Variants in HUNK observed in about 807,000 individuals in gnomAD.
HUNK encodes hormonally up-regulated Neu-associated kinase, also known as hormonally up-regulated neu tumor-associated kinase.
A neutral mutation model predicts 61.0 loss-of-function variants in HUNK; 21 were observed. That is an observed-to-expected ratio of 0.34 (90% CI 0.24 to 0.50). The LOEUF (loss-of-function observed/expected upper bound fraction) is 0.50, where lower values mean the gene tolerates loss of function less well. Ranked by LOEUF, HUNK falls within the 20% of genes least tolerant of loss-of-function variation. The probability of loss-of-function intolerance (pLI) is 0.98; values close to 1 mark genes in which losing one functional copy is unlikely to be tolerated. For missense variants in HUNK, 772 were observed against 945.7 expected (o/e 0.82, Z 2.41); for synonymous variants, 371 against 386.1 (o/e 0.96, Z 0.46).
chr21:31,906,375 A>G (rs377041514), intron 1 of HUNK, among the ~76,000 whole-genome samples: 1 of 152,300 alleles, frequency 6.6e-6, no homozygotes, highest in East Asian at 1.9e-4. Flanking sequence ...CACTTTGCAG[A>G]TGAGAAAACA....
At chr21:31,877,026 C>T (rs1398123657) in intron 1 of HUNK, among the ~76,000 whole-genome samples, 1 of 152,098 alleles carries the variant, frequency 6.6e-6, no homozygotes, top group Non-Finnish European at 1.5e-5. Context: ...ACTCCCAGCC[C>T]ACGTGGAGCG....
At chr21:31,947,870 C>T (rs147840090) in intron 4 of HUNK, among the ~76,000 whole-genome samples, 218 of 152,252 alleles carry the variant, frequency 1.4e-3, no homozygotes, top group African/African-American at 5.0e-3. Context: ...GACTCGTTTG[C>T]GTGAAGGGTG....
chr21:31,892,528 C>T (rs2052397909), intron 1 of HUNK, among the ~76,000 whole-genome samples: 1 of 146,826 alleles, frequency 6.8e-6, no homozygotes, highest in Non-Finnish European at 1.5e-5. Flanking sequence ...CGAGATTGCG[C>T]CACTGCTCTT....
In HUNK at chr21:31,912,441, A is replaced by G. The variant is rs140017201; in HGVS notation, c.262-12027A>G. Among the ~76,000 whole-genome samples the G allele has an allele frequency of 3.6e-3, 541 of 152,278 alleles. 7 individuals are homozygous for G. The highest frequency in any genetic ancestry group is 0.013 in the African/African-American group (523 of 41,574). ...AACCTATTGTAGCCTAGTGAGTTAC[A>G]GGGGAAAATAGGGTTAGGAGATTGT... On this transcript the variant is annotated intron_variant, in intron 1 of 10. Transcript: ENST00000270112.
At chr21:31,923,147 AAAG>A (rs2052634035) in intron 1 of HUNK, among the ~76,000 whole-genome samples, 1 of 152,122 alleles carries the variant, frequency 6.6e-6, no homozygotes, top group African/African-American at 2.4e-5. Context: ...AGTGAAGAAA[AAAG>A]AAGGAACAGG....
intron 5 of HUNK, among the ~76,000 whole-genome samples, chr21:31,963,594 C>T (rs1315691340): frequency 1.3e-5 from 2 of 152,170 alleles, no homozygotes; most frequent in Non-Finnish European, 2.9e-5. Flanking sequence ...GCCTCCGAAA[C>T]CAAGCAGTCT....
intron 7 of HUNK, among the ~76,000 whole-genome samples, chr21:31,975,904 A>G (rs748569765): frequency 2.6e-5 from 4 of 152,348 alleles, no homozygotes; most frequent in Admixed American, 6.5e-5. Flanking sequence ...ATTGCTGAAC[A>G]GATGAAGATG....
At chr21:31,955,425 CG>C (rs1250975661) in intron 4 of HUNK, among the ~76,000 whole-genome samples, 8 of 123,668 alleles carry the variant, frequency 6.5e-5, no homozygotes, top group African/African-American at 2.1e-4. Flanking sequence ...CCCGTCTCTA[CG>C]AAAAAAAAAA....
intron 4 of HUNK, among the ~76,000 whole-genome samples, 168 bp from the exon 5 acceptor site, chr21:31,958,675 C>T (rs2052906298): frequency 6.6e-6 from 1 of 152,164 alleles, no homozygotes; most frequent in South Asian, 2.1e-4. Context: ...CGACCTCACC[C>T]AACTCTTTCA....
intron 6 of HUNK, among the ~76,000 whole-genome samples, chr21:31,971,665 C>T (rs2123851325): frequency 6.6e-6 from 1 of 152,216 alleles, no homozygotes; most frequent in South Asian, 2.1e-4. Context: ...TTACATCACT[C>T]TTCTATAAAG....
At chr21:31,914,191 T>G (rs1414628251) in intron 1 of HUNK, among the ~76,000 whole-genome samples, 4 of 152,012 alleles carry the variant, frequency 2.6e-5, no homozygotes, top group Non-Finnish European at 5.9e-5. Context: ...GCGGATCACC[T>G]GTGGTCAGGA....
Position 32,000,154 on chromosome 21 carries a change from G to T in HUNK, c.*970G>T, listed in dbSNP as rs1019373295. On this transcript the variant is annotated 3_prime_UTR_variant, in exon 11 of 11. Coordinates refer to ENST00000270112, the MANE Select transcript of HUNK (RefSeq NM_014586.2). ...GGTTCTGTAGAAAGAGGGAAAAGAT[G>T]ATTGTGACAATTCAGAGCATAACTC... The T allele has an allele frequency of 2.5e-6, 1 of 398,946 alleles. No homozygotes were observed. Among genetic ancestry groups the T allele is most frequent in the South Asian group, 1.3e-4 (1 of 7,836 alleles). 24.7% of individuals were successfully genotyped at this position (398,946 alleles called of 1,614,324 possible). A position where few individuals can be genotyped will look rare whatever the true frequency, so the allele number is the denominator to read the frequency against.
rs543417342 is a variant in HUNK, at chr21:31,947,187, G to A, written c.746+1016G>A. Among the ~76,000 whole-genome samples the A allele has an allele frequency of 8.3e-3, 1,247 of 150,030 alleles. 4 individuals carry two copies. The highest frequency in any genetic ancestry group is 0.029 in the African/African-American group (1,163 of 40,096). The stretch of plus-strand genomic sequence containing the variant: ...CACATCCCAGGCTCAAGCCAGTGGC[G>A]CCTGCGCATTCCCACATCCCAGTCT... On this transcript the variant is annotated intron_variant, in intron 4 of 10. Coordinates refer to ENST00000270112, the MANE Select transcript of HUNK (RefSeq NM_014586.2).
At chr21:31,968,427 GC>G in intron 6 of HUNK, 42 bp downstream of exon 6, 1 of 1,611,798 alleles carries the variant, frequency 6.2e-7, no homozygotes, top group South Asian at 1.1e-5. Context: ...GAGAGACGGG[GC>G]CTGTCCTACT....
At position 31,995,856 on chromosome 21, in the gene HUNK, A is replaced by C. The variant is rs2053201206; in HGVS notation, c.1394A>C (p.Lys465Thr). The change falls in exon 10 of 11, where the codon AAA becomes ACA. Residue 465 changes from lysine (K) to threonine (T), a missense_variant. Coordinates refer to ENST00000270112, the MANE Select transcript of HUNK (RefSeq NM_014586.2). ...TTGGACAAGAACCTGCCCTCGCACA[A>C]ACAGCCCTCAGGCTCGCTTATGACA... ...KKLDKNLPSH[K>T]QPSGSLMTQI... 1.1e-5 allele frequency: 18 copies of C among 1,614,038 alleles called. No individual in the cohort carries two copies. The highest frequency in any genetic ancestry group is 1.5e-5 in the Non-Finnish European group (18 of 1,179,892).
chr21:31,969,963 A>G (rs2052998762), intron 6 of HUNK, among the ~76,000 whole-genome samples: 1 of 152,176 alleles, frequency 6.6e-6, no homozygotes, highest in Non-Finnish European at 1.5e-5. Context: ...TGAGCAAACA[A>G]GGAAACCACG....
chr21:31,941,488 G>A (rs1940865499), intron 3 of HUNK, among the ~76,000 whole-genome samples: 2 of 152,000 alleles, frequency 1.3e-5, no homozygotes, highest in Admixed American at 1.3e-4. Flanking sequence ...TGTATTTTTA[G>A]TAGAGATGGG....
At chr21:31,893,296 T>A (rs1326016722) in intron 1 of HUNK, among the ~76,000 whole-genome samples, 1 of 152,172 alleles carries the variant, frequency 6.6e-6, no homozygotes, top group African/African-American at 2.4e-5. Context: ...CTTGTCTTGT[T>A]ATGCAGATAA....
At chr21:31,992,914 A>G (rs1258660290) in intron 9 of HUNK, among the ~76,000 whole-genome samples, 1 of 152,202 alleles carries the variant, frequency 6.6e-6, no homozygotes, top group Non-Finnish European at 1.5e-5. Context: ...TTTGTCCCCG[A>G]CAGGGAGCAG....
Sources: gnomAD v4.1 joint callset for allele counts (sites outside exome capture counted in the v4.1 genomes callset) on GRCh38, gnomAD v4.1.1 for gene constraint, MANE v1.5 for transcripts, NCBI Gene and HGNC (gene_info 2026-07-23, HGNC 2026-07-21) for gene names.